RAB11FIP4: variants seen among roughly 807,000 people sequenced by gnomAD.
RAB11FIP4 encodes rab11 family-interacting protein 4.
Under a neutral mutation model 74.3 loss-of-function variants are expected in RAB11FIP4, and 23 were observed. The ratio of observed to expected loss-of-function variants is 0.31; its 90% CI spans 0.22 to 0.44. The LOEUF is 0.44. Among genes scored for constraint, RAB11FIP4 ranks in the 20% least tolerant of loss-of-function variants. The pLI is 1.00. For synonymous variants in RAB11FIP4, 360 were observed against 359.9 expected, an observed-to-expected ratio of 1.00 and a Z score of 0.00; for missense variants, 630 against 863.9, an observed-to-expected ratio of 0.73 and a Z score of 3.39.
intron 1 of RAB11FIP4, among the ~76,000 whole-genome samples, chr17:31,396,197 AG>A (rs1418352648): frequency 0.015 from 1,613 of 104,640 alleles, 37 homozygotes; most frequent in African/African-American, 0.042. Context: ...AAAAAAAAAA[AG>A]AAAAGAAAAG....
intron 3 of RAB11FIP4, among the ~76,000 whole-genome samples, chr17:31,483,491 G>A (rs187100248): frequency 2.5e-4 from 38 of 152,302 alleles, no homozygotes; most frequent in Non-Finnish European, 4.4e-4. Flanking sequence ...TATTTTTAAA[G>A]CCATAGAACC....
chr17:31,505,621 A>AAT (rs1555548845), intron 3 of RAB11FIP4, among the ~76,000 whole-genome samples: 3 of 35,866 alleles, frequency 8.4e-5, no homozygotes, highest in Admixed American at 4.9e-4. Flanking sequence ...TATATATAAT[A>AAT]TATAATTATA....
chr17:31,439,546 C>A (rs1425049610), intron 3 of RAB11FIP4, among the ~76,000 whole-genome samples: 2 of 152,180 alleles, frequency 1.3e-5, no homozygotes, highest in Non-Finnish European at 2.9e-5. Flanking sequence ...ATATTCTTTG[C>A]CCATTTTCGA....
rs532606121 is a variant in RAB11FIP4, at chr17:31,420,558, TTCTC to T, written c.160-11247_160-11244del. Among the ~76,000 whole-genome samples the T allele has an allele frequency of 2.6e-3, 393 of 152,100 alleles. 1 individual carries two copies. The highest frequency in any genetic ancestry group is 9.1e-3 in the African/African-American group (378 of 41,510). On this transcript the variant is annotated intron_variant, in intron 1 of 14. Transcript: ENST00000621161. ...TCATTTTTTATATTGGTGATTTGTATTCTCTCTCTCTTTCTCTCTGTCATTCTGG... is the reference window on the plus strand; with the variant it reads ...TCATTTTTTATATTGGTGATTTGTATTCTCTCTTTCTCTCTGTCATTCTGG...
intron 3 of RAB11FIP4, among the ~76,000 whole-genome samples, chr17:31,442,297 C>G (rs2071413864): frequency 6.6e-6 from 1 of 152,134 alleles, no homozygotes; most frequent in Admixed American, 6.6e-5. Context: ...CCATGCCCAG[C>G]CAGGTGTATA....
chr17:31,409,353 C>T (rs1236167118), intron 1 of RAB11FIP4, among the ~76,000 whole-genome samples: 1 of 152,162 alleles, frequency 6.6e-6, no homozygotes, highest in Non-Finnish European at 1.5e-5. Context: ...AATGTCTTCC[C>T]AGCATCTATT....
At chr17:31,475,918 A>C (rs1487052337) in intron 3 of RAB11FIP4, among the ~76,000 whole-genome samples, 1 of 151,926 alleles carries the variant, frequency 6.6e-6, no homozygotes, top group Non-Finnish European at 1.5e-5. Context: ...AGTGTTAGAT[A>C]AGCTTTGCCC....
At chr17:31,522,796 A>G (rs2072693486) in intron 7 of RAB11FIP4, 1 of 216,492 alleles carries the variant, frequency 4.6e-6, no homozygotes, top group African/African-American at 2.3e-5. Context: ...GGGGCTGGTC[A>G]CTTTGCTCCG....
chr17:31,431,967 A>T (rs1248571879), intron 2 of RAB11FIP4, 67 bp downstream of exon 2: 1 of 1,232,280 alleles, frequency 8.1e-7, no homozygotes, highest in African/African-American at 1.5e-5. Context: ...AGCTGGTGTG[A>T]CTGGGGGCCC....
rs142816292 is a variant in RAB11FIP4 at position 31,400,702 on chromosome 17, A to G, written c.159+8691A>G. On this transcript the variant is annotated intron_variant, in intron 1 of 14. Transcript: ENST00000621161. ...TGGCAGTGGGAGTGAGCAAGAGGAG[A>G]CTTTGGAGACAAGCTGCCGTTGCTG... Among the ~76,000 whole-genome samples, 112 of 152,228 alleles carry G rather than the reference A, an allele frequency of 7.4e-4. 1 individual carries two copies. The highest frequency in any genetic ancestry group is 2.6e-3 in the African/African-American group (108 of 41,540).
At chr17:31,436,060 C>CT (rs2071353999) in intron 3 of RAB11FIP4, among the ~76,000 whole-genome samples, 1 of 152,122 alleles carries the variant, frequency 6.6e-6, no homozygotes, top group African/African-American at 2.4e-5. Flanking sequence ...AGGAACTTTG[C>CT]TGGGGGGGCC....
chr17:31,531,468 G>C (rs1379405448), intron 14 of RAB11FIP4, 148 bp from the exon 15 acceptor site: 5 of 642,242 alleles, frequency 7.8e-6, no homozygotes, highest in African/African-American at 7.2e-5. Context: ...GCATCCAAAT[G>C]CTGAGGCTGT....
chr17:31,395,611 ATTC>A (rs1180976984), intron 1 of RAB11FIP4, among the ~76,000 whole-genome samples: 1 of 152,216 alleles, frequency 6.6e-6, no homozygotes, highest in Non-Finnish European at 1.5e-5. Context: ...TCCGAGAGGC[ATTC>A]TACAAAATGC....
chr17:31,431,864 T>G lies in RAB11FIP4; in HGVS notation c.211T>G (p.Phe71Val). 6.2e-7 allele frequency: 1 copy of G among 1,612,994 alleles called. No individual in the cohort carries two copies. The highest frequency in any genetic ancestry group is 8.5e-7 in the Non-Finnish European group (1 of 1,179,468). The change falls in exon 2 of 15, where the codon TTC becomes GTC. Residue 71 changes from phenylalanine to valine, a missense_variant. Coordinates refer to ENST00000621161, the MANE Select transcript of RAB11FIP4 (RefSeq NM_032932.6). Reference sequence around the variant, plus strand: ...TCCCAACGACCTGGGGAGAATCAACTTCAAGGACTTTTGCCGGGGGGTGTT... The same window carrying G: ...TCCCAACGACCTGGGGAGAATCAACGTCAAGGACTTTTGCCGGGGGGTGTT... The part of the protein sequence containing the change: ...LDPNDLGRIN[F>V]KDFCRGVFAM...
At chr17:31,527,695 C>T in intron 10 of RAB11FIP4, 147 bp from the exon 11 acceptor site, 2 of 605,374 alleles carry the variant, frequency 3.3e-6, no homozygotes, top group Non-Finnish European at 5.8e-6. Context: ...GCTAAATTGT[C>T]TTTGACATAA....
In RAB11FIP4 at chr17:31,523,729, G is replaced by A. The variant is rs191488658; in HGVS notation, c.1029+118G>A. 590 of 1,126,940 alleles carry A rather than the reference G, an allele frequency of 5.2e-4. No individual in the cohort carries two copies. In the Middle Eastern group the frequency reaches 6.7e-3, roughly 13 times the overall value. 69.8% of individuals were successfully genotyped at this position (1,126,940 alleles called of 1,614,324 possible). On this transcript the variant is annotated intron_variant, in intron 8 of 14. Transcript: ENST00000621161. ...ACCCTGTACCTGCCTAGGAATTGGG[G>A]GCAGGTGGCCCTGGTCACGTGTTCC... is the stretch of plus-strand genomic sequence containing the variant.
chr17:31,485,886 A>C (rs1163873652), intron 3 of RAB11FIP4, among the ~76,000 whole-genome samples: 1 of 152,192 alleles, frequency 6.6e-6, no homozygotes, highest in Non-Finnish European at 1.5e-5. Flanking sequence ...AGTCTGTTTG[A>C]TTTCAAAGCC....
intron 3 of RAB11FIP4, among the ~76,000 whole-genome samples, chr17:31,455,238 AG>A (rs2071568055): frequency 1.3e-5 from 2 of 152,148 alleles, no homozygotes; most frequent in Non-Finnish European, 2.9e-5. Flanking sequence ...AACAAGGAAG[AG>A]GGGGATTTGG....
At chr17:31,460,069 A>C (rs1195286340) in intron 3 of RAB11FIP4, among the ~76,000 whole-genome samples, 1 of 152,210 alleles carries the variant, frequency 6.6e-6, no homozygotes, top group Non-Finnish European at 1.5e-5. Flanking sequence ...GGGCTGGGAC[A>C]GACCAGACTG....
Sources: allele counts gnomAD v4.1 joint callset (sites outside exome capture counted in the v4.1 genomes callset), GRCh38; gene constraint gnomAD v4.1.1; transcripts MANE v1.5; gene names NCBI Gene and HGNC (gene_info 2026-07-23, HGNC 2026-07-21).